Variants in CNST observed in about 807,000 individuals in gnomAD.
CNST encodes the protein consortin, connexin sorting protein, also known as consortin.
In CNST, 39 loss-of-function variants were observed where a neutral mutation model predicts 72.4. That is an observed-to-expected ratio of 0.54 (90% confidence interval 0.42 to 0.70). The LOEUF (loss-of-function observed/expected upper bound fraction) is 0.70, where lower values mean the gene tolerates loss of function less well. Ranked by LOEUF, CNST falls within the 30% of genes least tolerant of loss-of-function variation. The pLI is 0.00. For synonymous variants in CNST, 332 were observed against 320.1 expected (o/e 1.04, Z -0.40); for missense variants, 871 against 868.5 (o/e 1.00, Z -0.04).
intron 3 of CNST, among the ~76,000 whole-genome samples, chr1:246,622,467 T>G (rs962332187): frequency 3.3e-5 from 5 of 152,198 alleles, no homozygotes; most frequent in Non-Finnish European, 7.3e-5. Context: ...TATTAGGCGC[T>G]CAGTGGGTTA....
intron 1 of CNST, among the ~76,000 whole-genome samples, chr1:246,586,228 AC>A (rs1187430091): frequency 6.8e-6 from 1 of 147,088 alleles, no homozygotes; most frequent in Non-Finnish European, 1.5e-5. Flanking sequence ...TATAATATAT[AC>A]CTTTTATTAT....
intron 8 of CNST, 96 bp downstream of exon 8, chr1:246,642,133 GT>G (rs74163469): frequency 0.06 from 11,256 of 186,942 alleles, 1 homozygote; most frequent in Non-Finnish European, 0.074. Flanking sequence ...AAAGGATCTG[GT>G]TTTTTTTTTT....
chr1:246,646,003 G>A (rs989742621), intron 8 of CNST, among the ~76,000 whole-genome samples: 7 of 152,054 alleles, frequency 4.6e-5, no homozygotes, highest in Non-Finnish European at 7.4e-5. Context: ...GAAGTTGCTC[G>A]GCGTGGTGGC....
chr1:246,569,511 C>A (rs12031424), intron 1 of CNST, among the ~76,000 whole-genome samples: 1 of 152,038 alleles, frequency 6.6e-6, no homozygotes, highest in African/African-American at 2.4e-5. Flanking sequence ...TGAAGTACTG[C>A]GGTATTTAAT....
At chr1:246,653,428 A>C (rs1666600298) in intron 9 of CNST, among the ~76,000 whole-genome samples, 1 of 152,238 alleles carries the variant, frequency 6.6e-6, no homozygotes, top group African/African-American at 2.4e-5. Flanking sequence ...AGGGTCTTAG[A>C]AACAGCAATC....
At chr1:246,617,587 G>A (rs1473536138) in intron 2 of CNST, among the ~76,000 whole-genome samples, 2 of 152,114 alleles carry the variant, frequency 1.3e-5, no homozygotes, top group Non-Finnish European at 2.9e-5. Context: ...ATGTTACAGA[G>A]GAAAAAATAG....
intron 8 of CNST, among the ~76,000 whole-genome samples, chr1:246,646,137 G>A (rs1167214459): frequency 6.6e-6 from 1 of 151,786 alleles, no homozygotes; most frequent in Admixed American, 6.6e-5. Flanking sequence ...AAAATTAGCT[G>A]GGCAAGGTGG....
intron 1 of CNST, among the ~76,000 whole-genome samples, chr1:246,586,816 T>C (rs1388345823): frequency 6.6e-6 from 1 of 152,200 alleles, no homozygotes; most frequent in Admixed American, 6.5e-5. Context: ...TCTCAAGATA[T>C]TGGAAATTGT....
chr1:246,629,729 T>A (rs1178087161), intron 3 of CNST, among the ~76,000 whole-genome samples: 2 of 151,880 alleles, frequency 1.3e-5, no homozygotes, highest in African/African-American at 4.8e-5. Flanking sequence ...GTACTTGAAA[T>A]TTTTTTTTCT....
intron 2 of CNST, among the ~76,000 whole-genome samples, chr1:246,610,404 C>G (rs1348565606): frequency 1.3e-5 from 2 of 152,100 alleles, no homozygotes; most frequent in African/African-American, 2.4e-5. Flanking sequence ...TCTATGGTTT[C>G]TTTTAAGACA....
At chr1:246,594,148 C>T (rs895087254) in intron 2 of CNST, among the ~76,000 whole-genome samples, 15 of 152,008 alleles carry the variant, frequency 9.9e-5, no homozygotes, top group African/African-American at 3.6e-4. Flanking sequence ...CTTCCATGGT[C>T]TTTATTCCAC....
chr1:246,615,643 C>G (rs1287386054), intron 2 of CNST, among the ~76,000 whole-genome samples: 2 of 151,276 alleles, frequency 1.3e-5, no homozygotes, highest in Admixed American at 6.6e-5. Context: ...CTTTGGGAGG[C>G]CGAGGCAGGT....
intron 6 of CNST, among the ~76,000 whole-genome samples, chr1:246,641,481 T>A (rs1665686858): frequency 6.6e-6 from 1 of 152,236 alleles, no homozygotes; most frequent in Admixed American, 6.5e-5. Flanking sequence ...TTGTCATTCT[T>A]CTTTTTTTCT....
chr1:246,592,882 T>C (rs1174681564), intron 2 of CNST, among the ~76,000 whole-genome samples: 1 of 152,352 alleles, frequency 6.6e-6, no homozygotes, highest in African/African-American at 2.4e-5. Context: ...ATTTTTGGCC[T>C]GAATCACAGG....
chr1:246,659,365 C>G (rs561140964), intron 9 of CNST, among the ~76,000 whole-genome samples: 1 of 152,100 alleles, frequency 6.6e-6, no homozygotes, highest in Non-Finnish European at 1.5e-5. Context: ...GAGGCCAAGG[C>G]GGGCAGATCA....
intron 2 of CNST, among the ~76,000 whole-genome samples, chr1:246,608,451 AATC>A (rs1663071916): frequency 6.6e-6 from 1 of 152,230 alleles, no homozygotes; most frequent in African/African-American, 2.4e-5. Context: ...TAAAATGTCT[AATC>A]AAACTTCTGA....
In CNST at chr1:246,623,922, G is replaced by T. The variant is rs555836682; in HGVS notation, c.585+2288G>T. On this transcript the variant is annotated intron_variant, in intron 3 of 10. Coordinates refer to ENST00000366513, the MANE Select transcript of CNST (RefSeq NM_152609.3). ...ACAAAAAAAAAAAAAATGTAGCCAGGCACGGTGGCGTGCGCCTGTAATCCC... is the reference window on the plus strand; with the variant it reads ...ACAAAAAAAAAAAAAATGTAGCCAGTCACGGTGGCGTGCGCCTGTAATCCC... 2.0e-3 allele frequency among the ~76,000 whole-genome samples: 300 copies of T among 150,256 alleles called. 5 individuals are homozygous for T. Among genetic ancestry groups the T allele is most frequent in the Non-Finnish European group, 7.2e-4 (49 of 67,654 alleles).
intron 9 of CNST, among the ~76,000 whole-genome samples, chr1:246,659,323 G>T (rs188738667): frequency 6.6e-6 from 1 of 152,160 alleles, no homozygotes; most frequent in African/African-American, 2.4e-5. Flanking sequence ...GGCCGGGTGC[G>T]GTGGCTCACA....
At chr1:246,615,462 A>G (rs1056377986) in intron 2 of CNST, among the ~76,000 whole-genome samples, 6 of 150,512 alleles carry the variant, frequency 4.0e-5, no homozygotes, top group African/African-American at 1.5e-4. Flanking sequence ...GGCGTGAGCC[A>G]CTGTGCCCGG....
Sources: allele counts gnomAD v4.1 joint callset (sites outside exome capture counted in the v4.1 genomes callset), GRCh38; gene constraint gnomAD v4.1.1; transcripts MANE v1.5; gene names NCBI Gene and HGNC (gene_info 2026-07-23, HGNC 2026-07-21).